PCDH15: variants seen among roughly 807,000 people sequenced by gnomAD.
PCDH15 encodes protocadherin related 15, also known as protocadherin-15.
In PCDH15, 129 loss-of-function variants were observed where a neutral mutation model predicts 178.5. That is an observed-to-expected ratio of 0.72 (90% CI 0.63 to 0.84). The LOEUF (loss-of-function observed/expected upper bound fraction) is 0.84, where lower values mean the gene tolerates loss of function less well. Among genes scored for constraint, PCDH15 ranks in the 40% least tolerant of loss-of-function variants. PCDH15 has a pLI of 0.00. For missense variants in PCDH15, 2,230 were observed against 2,099.9 expected (o/e 1.06, Z -1.21); for synonymous variants, 800 against 732.0 (o/e 1.09, Z -1.50).
At chr10:54,113,427 C>T (rs1439809154) in intron 15 of PCDH15, among the ~76,000 whole-genome samples, 2 of 152,168 alleles carry the variant, frequency 1.3e-5, no homozygotes, top group East Asian at 1.9e-4. Context: ...GGCCTCACTA[C>T]AGCAGTCTCT....
chr10:55,294,654 A>G (rs1463461820), intron 1 of PCDH15, among the ~76,000 whole-genome samples: 2 of 152,202 alleles, frequency 1.3e-5, no homozygotes, highest in African/African-American at 4.8e-5. Flanking sequence ...AATCTCTGTG[A>G]TAATGCTTTG....
intron 3 of PCDH15, among the ~76,000 whole-genome samples, chr10:54,439,692 A>AT (rs1183671745): frequency 6.6e-6 from 1 of 151,886 alleles, no homozygotes; most frequent in Non-Finnish European, 1.5e-5. Context: ...TTTTTTAGCT[A>AT]TTGCAGTTAA....
At chr10:55,312,781 C>A (rs934784061) in intron 1 of PCDH15, among the ~76,000 whole-genome samples, 1 of 152,098 alleles carries the variant, frequency 6.6e-6, no homozygotes, top group African/African-American at 2.4e-5. Flanking sequence ...CCATGCCCAG[C>A]TAATTTTGCA....
chr10:54,971,874 C>G (rs1004824334), intron 2 of PCDH15, among the ~76,000 whole-genome samples: 4 of 152,154 alleles, frequency 2.6e-5, no homozygotes, highest in African/African-American at 9.7e-5. Flanking sequence ...ATTAAGTTCT[C>G]TGGTTTAGAG....
At chr10:54,039,574 G>A (rs2093494600) in intron 18 of PCDH15, among the ~76,000 whole-genome samples, 1 of 151,952 alleles carries the variant, frequency 6.6e-6, no homozygotes, top group Non-Finnish European at 1.5e-5. Context: ...AGTCATGGAA[G>A]TCATACCATG....
chr10:54,273,573 A>G (rs1308275512), intron 8 of PCDH15, among the ~76,000 whole-genome samples: 1 of 152,142 alleles, frequency 6.6e-6, no homozygotes, highest in Non-Finnish European at 1.5e-5. Flanking sequence ...TTAATTTTGA[A>G]TATATAAAAT....
At chr10:55,232,962 G>A (rs919086781) in intron 1 of PCDH15, among the ~76,000 whole-genome samples, 1 of 152,104 alleles carries the variant, frequency 6.6e-6, no homozygotes, top group Admixed American at 6.5e-5. Context: ...GGCATCTGAA[G>A]TAAACTATGA....
intron 36 of PCDH15, 66 bp from the exon 37 acceptor site, chr10:53,810,730 ATCTGTTTCCTTCTTTTTCTTCCGCCAT>A: frequency 7.2e-7 from 1 of 1,381,036 alleles, no homozygotes; most frequent in Admixed American, 1.7e-5. Flanking sequence ...ACCATGAGTG[ATCTGTTTCCTTCTTTTTCTTCCGCCAT>A]TCAATCGACA....
rs1956639951 is a variant in PCDH15 at position 54,429,027 on chromosome 10, C to T, written c.158-50085G>A. On this transcript the variant is annotated intron_variant, in intron 3 of 37. Transcript: ENST00000644397. Reference sequence around the variant, plus strand: ...ACTAAGCACACAGAAAAACACTGAACAGTGTAGCACTGTAATGGTGATTTA... The same window carrying T: ...ACTAAGCACACAGAAAAACACTGAATAGTGTAGCACTGTAATGGTGATTTA... Among the ~76,000 whole-genome samples, 3 of 152,006 alleles carry T rather than the reference C, an allele frequency of 2.0e-5. No homozygotes were observed. The South Asian group carries it at 6.2e-4, about 32-fold the overall frequency.
At chr10:55,209,652 G>A (rs1840506753) in intron 1 of PCDH15, among the ~76,000 whole-genome samples, 1 of 152,092 alleles carries the variant, frequency 6.6e-6, no homozygotes, top group East Asian at 1.9e-4. Flanking sequence ...ATGAATAAAT[G>A]ATTCTATTCA....
chr10:55,233,578 T>C (rs1279874215), intron 1 of PCDH15, among the ~76,000 whole-genome samples: 1 of 152,070 alleles, frequency 6.6e-6, no homozygotes, highest in African/African-American at 2.4e-5. Context: ...ATTTTTTTAC[T>C]CAAATATTTG....
intron 2 of PCDH15, among the ~76,000 whole-genome samples, chr10:55,001,642 C>A (rs1379093752): frequency 1.3e-5 from 2 of 152,148 alleles, no homozygotes; most frequent in East Asian, 1.9e-4. Flanking sequence ...AGTGGTAAGA[C>A]CTCATGCTCA....
intron 3 of PCDH15, among the ~76,000 whole-genome samples, chr10:54,503,909 G>T (rs2137519754): frequency 6.6e-6 from 1 of 152,066 alleles, no homozygotes; most frequent in Non-Finnish European, 1.5e-5. Flanking sequence ...CCAACAACTT[G>T]TTCCCCTGAT....
chr10:53,806,669 C>T lies in PCDH15; in HGVS notation c.5133G>A (p.Leu1711=). The T allele has an allele frequency of 6.2e-7, 1 of 1,613,836 alleles. No individual in the cohort carries two copies. Among genetic ancestry groups the T allele is most frequent in the Non-Finnish European group, 8.5e-7 (1 of 1,179,806 alleles). Residue 1711 remains leucine, a synonymous_variant, in exon 38 of 38, where the codon TTG becomes TTA. Transcript: ENST00000644397. ...MIDSKNIKEA[L]EFHSDHTQSD... ...ACTGTGTGTGGTCACTATGAAATTC[C>T]AAAGCCTCCTTGATGTTCTTACTGT...
intron 2 of PCDH15, among the ~76,000 whole-genome samples, chr10:55,345,800 G>T (rs1844738184): frequency 6.6e-6 from 1 of 151,874 alleles, no homozygotes; most frequent in Non-Finnish European, 1.5e-5. Context: ...CCAAATTTTT[G>T]AGAGGATTTT....
chr10:55,612,420 C>T (rs1049105427), intron 2 of PCDH15, among the ~76,000 whole-genome samples: 44 of 151,844 alleles, frequency 2.9e-4, no homozygotes, highest in African/African-American at 8.0e-4. Flanking sequence ...GAATATGGCA[C>T]GTCCAAAAGA....
intron 14 of PCDH15, among the ~76,000 whole-genome samples, chr10:54,143,205 A>G (rs1015356461): frequency 1.3e-5 from 2 of 152,226 alleles, no homozygotes; most frequent in African/African-American, 4.8e-5. Flanking sequence ...ATTTATATGG[A>G]TGGGTTGTTA....
intron 3 of PCDH15, among the ~76,000 whole-genome samples, chr10:54,826,525 A>G (rs7916158): frequency 0.69 from 104,386 of 151,684 alleles, 36,219 homozygotes; most frequent in Admixed American, 0.78. Flanking sequence ...ACATACATAT[A>G]TATGTATGTG....
chr10:54,003,736 C>CAAAAAAAAAAAAA (rs55871741), intron 20 of PCDH15, among the ~76,000 whole-genome samples: 3 of 76,202 alleles, frequency 3.9e-5, no homozygotes, highest in Non-Finnish European at 7.2e-5. Flanking sequence ...CAAACTATTC[C>CAAAAAAAAAAAAA]AAAAAAAAAA....
Sources: allele counts gnomAD v4.1 joint callset (sites outside exome capture counted in the v4.1 genomes callset), GRCh38; gene constraint gnomAD v4.1.1; transcripts MANE v1.5; gene names NCBI Gene and HGNC (gene_info 2026-07-23, HGNC 2026-07-21).